Variants in ACACA observed in about 807,000 individuals in gnomAD.
ACACA encodes the protein acetyl-CoA carboxylase 1.
In ACACA, 103 loss-of-function variants were observed where a neutral mutation model predicts 296.1. The observed-to-expected ratio is 0.35, with a 90% CI of 0.30 to 0.41. The LOEUF is 0.41. Among genes scored for constraint, ACACA ranks in the 10% least tolerant of loss-of-function variants. The probability of loss-of-function intolerance (pLI) is 1.00; values close to 1 mark genes in which losing one functional copy is unlikely to be tolerated. For synonymous variants in ACACA, 953 were observed against 1,038.6 expected (o/e 0.92, Z 1.58); for missense variants, 1,554 against 2,989.7 (o/e 0.52, Z 11.20).
At chr17:37,206,178 T>C (rs1385924316) in intron 32 of ACACA, among the ~76,000 whole-genome samples, 8 of 152,020 alleles carry the variant, frequency 5.3e-5, no homozygotes, top group African/African-American at 1.4e-4. Flanking sequence ...AAAATGGGGG[T>C]GAAACTATTT....
intron 29 of ACACA, among the ~76,000 whole-genome samples, chr17:37,216,665 C>A (rs759536953): frequency 1.3e-5 from 2 of 151,778 alleles, no homozygotes; most frequent in African/African-American, 4.8e-5. Context: ...AAATATGTTA[C>A]TACAAAGCAA....
intron 1 of ACACA, chr17:37,358,904 G>A: frequency 4.1e-6 from 4 of 975,310 alleles, no homozygotes; most frequent in Non-Finnish European, 4.9e-6. Context: ...GGTGAGCGGA[G>A]GCTGGGAGGC....
chr17:37,198,143 T>C (rs1393814496), intron 35 of ACACA, among the ~76,000 whole-genome samples: 3 of 152,182 alleles, frequency 2.0e-5, no homozygotes, highest in African/African-American at 7.2e-5. Flanking sequence ...CTATACACTA[T>C]AGATTCAGAG....
chr17:37,224,109 C>A (rs1172122358), intron 27 of ACACA, among the ~76,000 whole-genome samples: 1 of 152,126 alleles, frequency 6.6e-6, no homozygotes, highest in Non-Finnish European at 1.5e-5. Context: ...GGCCAAGGCA[C>A]AAGAATCGCT....
chr17:37,136,586 A>G (rs1217841192), intron 45 of ACACA, among the ~76,000 whole-genome samples: 1 of 151,998 alleles, frequency 6.6e-6, no homozygotes, highest in African/African-American at 2.4e-5. Context: ...CCCACCAACA[A>G]TCTATGAGAG....
Position 37,406,518 on chromosome 17 carries a change from T to G in ACACA, c.-219A>C. ...GGGCCCAGTTCCCTCAGCCTCAATT[T>G]CCCTTGCTGCAACAGGGGTGGAGAT... On this transcript the variant is annotated 5_prime_UTR_variant, in exon 1 of 56. Transcript: ENST00000616317. 1.6e-6 allele frequency: 1 copy of G among 623,436 alleles called. No homozygotes were observed. Among genetic ancestry groups the G allele is most frequent in the Non-Finnish European group, 2.8e-6 (1 of 351,284 alleles). 38.6% of individuals were successfully genotyped at this position (623,436 alleles called of 1,614,324 possible).
At chr17:37,165,675 A>ATTTT (rs61254387) in intron 41 of ACACA, among the ~76,000 whole-genome samples, 2 of 139,702 alleles carry the variant, frequency 1.4e-5, no homozygotes, top group African/African-American at 5.3e-5. Flanking sequence ...TGTGTAGAGA[A>ATTTT]TTTTTTTTTT....
intron 3 of ACACA, among the ~76,000 whole-genome samples, chr17:37,302,012 G>A (rs983351079): frequency 2.0e-5 from 3 of 150,958 alleles, no homozygotes; most frequent in Non-Finnish European, 2.9e-5. Context: ...ATGGAGTCTC[G>A]CTCTGTCTCC....
chr17:37,364,888 T>A (rs2049551900), intron 1 of ACACA, among the ~76,000 whole-genome samples: 1 of 152,216 alleles, frequency 6.6e-6, no homozygotes, highest in African/African-American at 2.4e-5. Context: ...GAAGTCCCAT[T>A]TTCTCCAAGA....
chr17:37,350,767 A>C (rs2048862444), intron 1 of ACACA, among the ~76,000 whole-genome samples: 1 of 151,712 alleles, frequency 6.6e-6, no homozygotes, highest in African/African-American at 2.4e-5. Context: ...TGAACCTGGG[A>C]GGCGGAGGTT....
intron 3 of ACACA, among the ~76,000 whole-genome samples, chr17:37,314,104 CTTT>C (rs34202919): frequency 4.5e-5 from 6 of 133,986 alleles, no homozygotes; most frequent in Non-Finnish European, 3.2e-5. Context: ...ACTATATATT[CTTT>C]TTTTTTTTTT....
Position 37,355,144 on chromosome 17 carries a change from G to A in ACACA, c.39-15294C>T, listed in dbSNP as rs149503970. 7.7e-3 allele frequency among the ~76,000 whole-genome samples: 1,166 copies of A among 151,978 alleles called. 17 individuals are homozygous for A. Among genetic ancestry groups the A allele is most frequent in the Non-Finnish European group, 0.01 (702 of 67,980 alleles). On this transcript the variant is annotated intron_variant, in intron 1 of 55. Transcript: ENST00000616317. ...TGTAATCCCACCTACTTGGGAGGCT[G>A]AGGCAGGAGAATTGCTTGAACCCGG...
At chr17:37,391,900 A>G (rs2050900420) in intron 1 of ACACA, 4 of 617,682 alleles carry the variant, frequency 6.5e-6, no homozygotes, top group Non-Finnish European at 8.6e-6. Flanking sequence ...TCATGCCCCT[A>G]TCTGAGCCAC....
chr17:37,340,693 A>G (rs2048339371), intron 1 of ACACA, among the ~76,000 whole-genome samples: 1 of 152,226 alleles, frequency 6.6e-6, no homozygotes, highest in African/African-American at 2.4e-5. Flanking sequence ...TTATCCAGTT[A>G]TGCAGTCTGA....
intron 41 of ACACA, among the ~76,000 whole-genome samples, chr17:37,178,051 T>A (rs1290852616): frequency 6.6e-6 from 1 of 152,224 alleles, no homozygotes; most frequent in Non-Finnish European, 1.5e-5. Context: ...AAAACACAGG[T>A]AAAGATTACT....
intron 3 of ACACA, among the ~76,000 whole-genome samples, chr17:37,302,312 C>T (rs990053389): frequency 1.3e-5 from 2 of 151,868 alleles, no homozygotes; most frequent in African/African-American, 2.4e-5. Context: ...CGGGTTCAAG[C>T]GATTCTCCCG....
intron 54 of ACACA, among the ~76,000 whole-genome samples, chr17:37,094,572 ACC>A (rs67691656): frequency 0.15 from 16,997 of 114,664 alleles, 3,032 homozygotes; most frequent in African/African-American, 0.45. Context: ...TTGAAGAACC[ACC>A]CCCCCCCCCC....
chr17:37,198,140 C>A (rs994848699), intron 35 of ACACA, among the ~76,000 whole-genome samples: 8 of 152,110 alleles, frequency 5.3e-5, no homozygotes, highest in African/African-American at 1.9e-4. Flanking sequence ...TAACTATACA[C>A]TATAGATTCA....
At chr17:37,252,605 A>G (rs114414137) in intron 15 of ACACA, among the ~76,000 whole-genome samples, 3,645 of 152,320 alleles carry the variant, frequency 0.024, 132 homozygotes, top group African/African-American at 0.083. Context: ...GTTGGCAACT[A>G]TGGACCAGGT....
Sources: allele counts gnomAD v4.1 joint callset (sites outside exome capture counted in the v4.1 genomes callset), GRCh38; gene constraint gnomAD v4.1.1; transcripts MANE v1.5; gene names NCBI Gene and HGNC (gene_info 2026-07-23, HGNC 2026-07-21).